SLC71A2: variants seen among roughly 807,000 people sequenced by gnomAD.
SLC71A2 encodes solute carrier family 71 member 2.
At chr9:94,428,428 TTAAAAA>T in the SLC71A2 span, among the ~76,000 whole-genome samples, 7 of 136,274 alleles carry the variant, frequency 5.1e-5, no homozygotes, top group Non-Finnish European at 9.3e-5. Flanking sequence ...TTTCTAAACC[TTAAAAA>T]TAATGTTGTT....
At chr9:94,376,452 G>A in the SLC71A2 span, among the ~76,000 whole-genome samples, 1,282 of 152,050 alleles carry the variant, frequency 8.4e-3, 9 homozygotes, top group Non-Finnish European at 0.012. Context: ...TGGCTGAGTA[G>A]TGTGTTCTAG....
chr9:94,418,773 T>C, the SLC71A2 span, among the ~76,000 whole-genome samples: 1,172 of 146,120 alleles, frequency 8.0e-3, 16 homozygotes, highest in African/African-American at 0.027. Context: ...TTTTTTTTTT[T>C]TTCACGAGTG....
At chr9:94,449,251 A>T in the SLC71A2 span, among the ~76,000 whole-genome samples, 1 of 152,224 alleles carries the variant, frequency 6.6e-6, no homozygotes, top group African/African-American at 2.4e-5. Context: ...ATTATTTTAT[A>T]TTATTGCTGG....
chr9:94,384,421 C>G, the SLC71A2 span, among the ~76,000 whole-genome samples: 15 of 151,728 alleles, frequency 9.9e-5, no homozygotes, highest in South Asian at 1.7e-3. Flanking sequence ...TCAGTGGAGC[C>G]TCGACCTCCC....
At chr9:94,456,381 A>C in the SLC71A2 span, 2 of 1,493,754 alleles carry the variant, frequency 1.3e-6, no homozygotes, top group Non-Finnish European at 1.9e-6. Flanking sequence ...TCAACGGGAG[A>C]CCTCCCTGCT....
chr9:94,409,437 G>T, the SLC71A2 span, among the ~76,000 whole-genome samples: 1 of 151,324 alleles, frequency 6.6e-6, no homozygotes, highest in African/African-American at 2.4e-5. Context: ...GGCTCACACT[G>T]CACCCGGCCT....
chr9:94,445,389 AGAG>A, the SLC71A2 span, among the ~76,000 whole-genome samples: 1 of 152,178 alleles, frequency 6.6e-6, no homozygotes, highest in Admixed American at 6.6e-5. Flanking sequence ...TCATAAACGA[AGAG>A]AGAGAAAATG....
chr9:94,457,252 A>C, the SLC71A2 span, among the ~76,000 whole-genome samples: 2 of 152,046 alleles, frequency 1.3e-5, no homozygotes, highest in African/African-American at 4.8e-5. Context: ...GTGAGCCCCC[A>C]TGCCTGGACT....
At chr9:94,441,506 A>T in the SLC71A2 span, among the ~76,000 whole-genome samples, 1 of 152,070 alleles carries the variant, frequency 6.6e-6, no homozygotes, top group African/African-American at 2.4e-5. Flanking sequence ...CCATGATCCA[A>T]TCACCTCCCA....
At chr9:94,409,887 A>G in the SLC71A2 span, among the ~76,000 whole-genome samples, 2 of 129,942 alleles carry the variant, frequency 1.5e-5, no homozygotes, top group Admixed American at 9.0e-5. Context: ...GCACTTGAGG[A>G]TTTATATCTT....
chr9:94,383,957 G>C, the SLC71A2 span, among the ~76,000 whole-genome samples: 1 of 152,102 alleles, frequency 6.6e-6, no homozygotes, highest in Non-Finnish European at 1.5e-5. Flanking sequence ...TTTGTTGCCA[G>C]CATATAGAAA....
the SLC71A2 span, among the ~76,000 whole-genome samples, chr9:94,444,291 G>C: frequency 6.6e-6 from 1 of 152,214 alleles, no homozygotes; most frequent in African/African-American, 2.4e-5. Context: ...GGTGTGCTTA[G>C]CTGGCTCTGT....
chr9:94,403,503 CT>C, the SLC71A2 span, among the ~76,000 whole-genome samples: 543 of 143,872 alleles, frequency 3.8e-3, 5 homozygotes, highest in African/African-American at 8.5e-3. Flanking sequence ...AGTCAGTTTC[CT>C]TTTTTTTTTT....
the SLC71A2 span, among the ~76,000 whole-genome samples, chr9:94,453,742 G>A: frequency 6.6e-6 from 1 of 152,296 alleles, no homozygotes; most frequent in Admixed American, 6.5e-5. Flanking sequence ...TTCTTAGGGA[G>A]GAGGCTGAAA....
the SLC71A2 span, chr9:94,444,907 G>A: frequency 6.6e-7 from 1 of 1,523,686 alleles, no homozygotes; most frequent in South Asian, 1.1e-5. Flanking sequence ...GTAAGGATAT[G>A]CTTTCCCCAG....
At chr9:94,409,681 T>G in the SLC71A2 span, among the ~76,000 whole-genome samples, 408 of 152,298 alleles carry the variant, frequency 2.7e-3, 1 homozygote, top group African/African-American at 9.4e-3. Context: ...TTTGTTCAAA[T>G]GAAAGTTTTG....
At chr9:94,445,698 G>T in the SLC71A2 span, among the ~76,000 whole-genome samples, 3 of 151,804 alleles carry the variant, frequency 2.0e-5, no homozygotes, top group African/African-American at 7.3e-5. Context: ...TGGGAAGGTG[G>T]TGTGTCACTG....
At chr9:94,460,270 G>A in the SLC71A2 span, 1 of 152,546 alleles carries the variant, frequency 6.6e-6, no homozygotes, top group Admixed American at 6.5e-5. Context: ...AACTGGATAC[G>A]AGTGAAGTTT....
chr9:94,385,505 T>C, the SLC71A2 span, among the ~76,000 whole-genome samples: 1 of 152,154 alleles, frequency 6.6e-6, no homozygotes, highest in Non-Finnish European at 1.5e-5. Context: ...TGTTTTTAGC[T>C]CTTATGTGTA....
Sources: gnomAD v4.1 joint callset for allele counts (sites outside exome capture counted in the v4.1 genomes callset) on GRCh38, gnomAD v4.1.1 for gene constraint, MANE v1.5 for transcripts, NCBI Gene and HGNC (gene_info 2026-07-23, HGNC 2026-07-21) for gene names.